PRAG1: variants seen among roughly 807,000 people sequenced by gnomAD.
PRAG1 encodes PEAK1 related, kinase-activating pseudokinase 1.
PRAG1 carries 110 observed loss-of-function variants against 95.6 expected under a neutral mutation model. The observed-to-expected ratio is 1.15, with a 90% confidence interval of 0.99 to 1.35. PRAG1 has a LOEUF of 1.35. PRAG1 is among the 40% of genes most tolerant of loss of function. PRAG1 has a pLI of 0.00. For synonymous variants in PRAG1, 1,052 were observed against 819.4 expected (o/e 1.28, Z -4.85); for missense variants, 2,554 against 1,864.7 (o/e 1.37, Z -6.81).
intron 3 of PRAG1, among the ~76,000 whole-genome samples, chr8:8,353,284 C>G (rs1799583485): frequency 6.6e-6 from 1 of 151,944 alleles, no homozygotes; most frequent in Non-Finnish European, 1.5e-5. Flanking sequence ...GGAACTTTTT[C>G]CAGGATAGAC....
chr8:8,358,629 G>A (rs547941875), intron 3 of PRAG1, among the ~76,000 whole-genome samples: 2 of 152,346 alleles, frequency 1.3e-5, no homozygotes, highest in East Asian at 3.9e-4. Flanking sequence ...CTACAAAGAA[G>A]AATCAGCATT....
At chr8:8,354,151 A>G (rs1799614490) in intron 3 of PRAG1, among the ~76,000 whole-genome samples, 1 of 152,114 alleles carries the variant, frequency 6.6e-6, no homozygotes, top group Non-Finnish European at 1.5e-5. Context: ...ACTATTATGA[A>G]CAATTATATG....
At chr8:8,339,335 C>G (rs1799092993) in intron 4 of PRAG1, 143 bp downstream of exon 4, 2 of 845,186 alleles carry the variant, frequency 2.4e-6, no homozygotes, top group Admixed American at 2.9e-5. Context: ...ACTTCAACAG[C>G]TCCCTGGAAG....
chr8:8,375,000 C>T (rs986817373), intron 3 of PRAG1, among the ~76,000 whole-genome samples: 1 of 152,016 alleles, frequency 6.6e-6, no homozygotes, highest in South Asian at 2.1e-4. Flanking sequence ...TCTCCTTTTC[C>T]TAACAGAAAT....
rs766216602 is a variant in PRAG1, at chr8:8,376,567, C to T, written c.1842G>A (p.Gln614=). The T allele has an allele frequency of 1.9e-6, 3 of 1,607,216 alleles. No homozygotes were observed. Among genetic ancestry groups the T allele is most frequent in the Non-Finnish European group, 8.5e-7 (1 of 1,175,586 alleles). Residue 614 remains glutamine, a synonymous_variant, in exon 3 of 6, where the codon CAG becomes CAA. Transcript: ENST00000615670. The part of the protein sequence containing the change: ...VAISDPSRCP[Q]PAASSASEQR... ...GTTCCGAGGCTGACGAGGCGGCAGG[C>T]TGGGGACACCTGGATGGGTCACTGA... is the stretch of plus-strand genomic sequence containing the variant.
In PRAG1 at chr8:8,376,933, G is replaced by T; in HGVS notation, c.1476C>A (p.Ser492Arg). ...ACTGCACCCCCACTGCAGAGTCAGG[G>T]CTGCTCAGGTAGATCGTCCGATGGT... is the stretch of plus-strand genomic sequence containing the variant. ...EEDHRTIYLS[S>R]PDSAVGVQWP... is the part of the protein sequence containing the mutation. The change falls in exon 3 of 6, where the codon AGC becomes AGA. Residue 492 changes from serine (S) to arginine (R), a missense_variant. Physicochemically the swap from Ser to Arg is moderately radical, Grantham distance 110 (BLOSUM62 -1). Coordinates refer to ENST00000615670, the MANE Select transcript of PRAG1 (RefSeq NM_001080826.3). 1.9e-6 allele frequency: 3 copies of T among 1,613,416 alleles called. No individual in the cohort carries two copies.
chr8:8,373,372 T>G (rs538266923), intron 3 of PRAG1, among the ~76,000 whole-genome samples: 1 of 152,274 alleles, frequency 6.6e-6, no homozygotes, highest in East Asian at 1.9e-4. Flanking sequence ...CTTCCCCAAA[T>G]GAAAATATAT....
At chr8:8,358,658 A>G (rs1372163803) in intron 3 of PRAG1, among the ~76,000 whole-genome samples, 1 of 152,258 alleles carries the variant, frequency 6.6e-6, no homozygotes, top group East Asian at 1.9e-4. Flanking sequence ...AAGTTTTCTC[A>G]GCAAGACAAT....
intron 3 of PRAG1, 73 bp from the exon 4 acceptor site, chr8:8,339,708 G>C: frequency 6.8e-7 from 1 of 1,462,016 alleles, no homozygotes; most frequent in South Asian, 1.2e-5. Flanking sequence ...GATGGATCAT[G>C]AACTTACCAT....
At chr8:8,382,127 G>A (rs1454978859) in intron 1 of PRAG1, among the ~76,000 whole-genome samples, 1 of 152,118 alleles carries the variant, frequency 6.6e-6, no homozygotes, top group Non-Finnish European at 1.5e-5. Flanking sequence ...TAAAATCCTG[G>A]GAGGTTTTGG....
At chr8:8,333,327 G>C (rs1798881489) in intron 4 of PRAG1, among the ~76,000 whole-genome samples, 1 of 152,136 alleles carries the variant, frequency 6.6e-6, no homozygotes, top group African/African-American at 2.4e-5. Context: ...GGAAGTTCCT[G>C]GCTATAGAGT....
chr8:8,336,729 C>A (rs1473754311), intron 4 of PRAG1, among the ~76,000 whole-genome samples: 1 of 149,060 alleles, frequency 6.7e-6, no homozygotes, highest in East Asian at 2.0e-4. Flanking sequence ...TTAACTTCAG[C>A]CATTGACTCT....
chr8:8,367,066 A>T (rs1015400497), intron 3 of PRAG1, among the ~76,000 whole-genome samples: 1 of 152,050 alleles, frequency 6.6e-6, no homozygotes, highest in Non-Finnish European at 1.5e-5. Flanking sequence ...ACCTCCCTAC[A>T]ACCTGCAGAC....
chr8:8,354,755 G>A (rs919422314), intron 3 of PRAG1, among the ~76,000 whole-genome samples: 4 of 152,042 alleles, frequency 2.6e-5, no homozygotes, highest in African/African-American at 7.2e-5. Flanking sequence ...AACAGCTTGG[G>A]TATAAAAGAA....
rs1364710901 is a variant in PRAG1 at position 8,327,944 on chromosome 8, G to A, written c.2838C>T (p.Ser946=). 1.2e-6 allele frequency: 2 copies of A among 1,612,594 alleles called. No homozygotes were observed. Among genetic ancestry groups the A allele is most frequent in the African/African-American group, 1.3e-5 (1 of 75,012 alleles). Residue 946 remains serine (S), a synonymous_variant, in exon 5 of 6, where the codon AGC becomes AGT. Transcript: ENST00000615670. The part of the protein sequence containing the change: ...LQLHGLLSNI[S]SKEGTYAKLG... The stretch of plus-strand genomic sequence containing the variant: ...GCTTGGCATAGGTGCCCTCCTTGCT[G>A]CTGATGTTGCTCAGGAGACCGTGCA...
chr8:8,349,962 T>C (rs574340049), intron 3 of PRAG1, among the ~76,000 whole-genome samples: 1,753 of 125,122 alleles, frequency 0.014, 37 homozygotes, highest in African/African-American at 0.052. Context: ...CACACACACA[T>C]ACCACACAAA....
chr8:8,322,302 T>C (rs1300076322), intron 5 of PRAG1, among the ~76,000 whole-genome samples: 3 of 152,126 alleles, frequency 2.0e-5, no homozygotes, highest in Admixed American at 6.5e-5. Flanking sequence ...TGCCTCAGCC[T>C]CCTGAGTAGC....
chr8:8,324,964 G>A (rs982681625), intron 5 of PRAG1, among the ~76,000 whole-genome samples: 4 of 152,164 alleles, frequency 2.6e-5, no homozygotes, highest in African/African-American at 9.7e-5. Context: ...GTAGGTTCCA[G>A]CATCAGCAAG....
chr8:8,345,885 T>C (rs1799324837), intron 3 of PRAG1, among the ~76,000 whole-genome samples: 1 of 152,210 alleles, frequency 6.6e-6, no homozygotes, highest in Non-Finnish European at 1.5e-5. Flanking sequence ...GTGCAATCTG[T>C]ACTTTTTGAG....
Sources: gnomAD v4.1 joint callset for allele counts (sites outside exome capture counted in the v4.1 genomes callset) on GRCh38, gnomAD v4.1.1 for gene constraint, MANE v1.5 for transcripts, NCBI Gene and HGNC (gene_info 2026-07-23, HGNC 2026-07-21) for gene names.